EEA1: variants seen among roughly 807,000 people sequenced by gnomAD.
EEA1 encodes the protein early endosome antigen 1, 162kD.
EEA1 carries 111 observed loss-of-function variants against 209.2 expected under a neutral mutation model. The ratio of observed to expected loss-of-function variants is 0.53; its 90% CI spans 0.45 to 0.62. EEA1 has a LOEUF of 0.62. Among genes scored for constraint, EEA1 ranks in the 20% least tolerant of loss-of-function variants. EEA1 has a pLI of 0.00. For missense variants in EEA1, 1,343 were observed against 1,530.8 expected (o/e 0.88, Z 2.05); for synonymous variants, 536 against 540.6 (o/e 0.99, Z 0.12).
chr12:92,823,910 C>A (rs1392006380), intron 13 of EEA1, among the ~76,000 whole-genome samples: 1 of 152,170 alleles, frequency 6.6e-6, no homozygotes, highest in Non-Finnish European at 1.5e-5. Context: ...ATACCAAATT[C>A]TTCACACTTG....
chr12:92,841,153 A>C (rs1253431707), intron 10 of EEA1, among the ~76,000 whole-genome samples: 1 of 152,242 alleles, frequency 6.6e-6, no homozygotes, highest in African/African-American at 2.4e-5. Context: ...ATAGGAGCCC[A>C]AACAGACTAA....
rs753246884 is a variant in EEA1, at chr12:92,900,655, TG to T, written c.25-8935del. Reference sequence around the variant, plus strand: ...GAGCATTTAAATTTTTTTTTGTAGTTGTTTTTTTTTTTTGTCTTGTTTTATT... The same window carrying T: ...GAGCATTTAAATTTTTTTTTGTAGTTTTTTTTTTTTTTGTCTTGTTTTATT... On this transcript the variant is annotated intron_variant, in intron 1 of 28. Coordinates refer to ENST00000322349, the MANE Select transcript of EEA1 (RefSeq NM_003566.4). Among the ~76,000 whole-genome samples, 183 of 151,596 alleles carry T rather than the reference TG, an allele frequency of 1.2e-3. 1 individual carries two copies. In the South Asian group the frequency reaches 0.014, roughly 11 times the overall value.
intron 23 of EEA1, among the ~76,000 whole-genome samples, chr12:92,781,686 C>G (rs1341223308): frequency 6.6e-6 from 1 of 151,830 alleles, no homozygotes; most frequent in Non-Finnish European, 1.5e-5. Context: ...TCTGCAATAA[C>G]CAAGGGTCTA....
At chr12:92,841,294 T>C (rs1037166869) in intron 10 of EEA1, among the ~76,000 whole-genome samples, 9 of 152,106 alleles carry the variant, frequency 5.9e-5, no homozygotes, top group African/African-American at 2.2e-4. Flanking sequence ...CCTTACCTTA[T>C]ACTATATACA....
intron 24 of EEA1, 78 bp downstream of exon 24, chr12:92,780,202 T>A: frequency 7.2e-7 from 1 of 1,397,496 alleles, no homozygotes. Flanking sequence ...AATAAATAAA[T>A]AAATATGTAT....
At chr12:92,927,446 G>C (rs889892149) in intron 1 of EEA1, among the ~76,000 whole-genome samples, 1 of 152,260 alleles carries the variant, frequency 6.6e-6, no homozygotes, top group African/African-American at 2.4e-5. Context: ...CAGTTGATAG[G>C]TATGCACCAA....
At chr12:92,842,651 T>C in intron 9 of EEA1, 70 bp from the exon 10 acceptor site, 1 of 972,050 alleles carries the variant, frequency 1.0e-6, no homozygotes, top group African/African-American at 1.7e-5. Flanking sequence ...AATGAAAGTA[T>C]ATAAAGGTTT....
At chr12:92,891,517 T>C in intron 2 of EEA1, 112 bp downstream of exon 2, 1 of 807,694 alleles carries the variant, frequency 1.2e-6, no homozygotes, top group South Asian at 2.1e-5. Flanking sequence ...TTCCAACTTT[T>C]ACAAGAAAAA....
intron 8 of EEA1, 138 bp from the exon 9 acceptor site, chr12:92,851,404 T>TTCAAA: frequency 1.3e-6 from 1 of 794,196 alleles, no homozygotes; most frequent in Non-Finnish European, 2.0e-6. Flanking sequence ...CATTGAACAC[T>TTCAAA]GATATCTTCT....
At chr12:92,801,815 C>A in intron 19 of EEA1, 114 bp from the exon 20 acceptor site, 1 of 623,010 alleles carries the variant, frequency 1.6e-6, no homozygotes, top group East Asian at 3.3e-5. Flanking sequence ...TTATGATGAG[C>A]TAAGATGAGA....
At chr12:92,794,431 G>A (rs377347051) in intron 21 of EEA1, among the ~76,000 whole-genome samples, 1 of 152,076 alleles carries the variant, frequency 6.6e-6, no homozygotes, top group Non-Finnish European at 1.5e-5. Context: ...ACATGCACAC[G>A]TATGTTTATT....
intron 1 of EEA1, among the ~76,000 whole-genome samples, chr12:92,917,429 G>A (rs954271077): frequency 2.7e-5 from 4 of 149,078 alleles, no homozygotes; most frequent in South Asian, 2.1e-4. Context: ...AAGAGAGTGG[G>A]GGCCAATATT....
intron 1 of EEA1, among the ~76,000 whole-genome samples, chr12:92,928,259 C>T (rs1422896693): frequency 6.6e-6 from 1 of 151,900 alleles, no homozygotes; most frequent in East Asian, 1.9e-4. Flanking sequence ...TTAAATGATA[C>T]ACCTACAGTT....
intron 1 of EEA1, among the ~76,000 whole-genome samples, chr12:92,903,319 C>T (rs1453002788): frequency 6.6e-6 from 1 of 151,578 alleles, no homozygotes; most frequent in Non-Finnish European, 1.5e-5. Context: ...AGAATGCAGT[C>T]GGAAGCGGTA....
At chr12:92,864,321 C>A (rs1171648086) in intron 3 of EEA1, among the ~76,000 whole-genome samples, 1 of 151,990 alleles carries the variant, frequency 6.6e-6, no homozygotes, top group African/African-American at 2.4e-5. Context: ...AGAGTTCTCT[C>A]CAATAGCAGA....
chr12:92,817,866 T>A (rs1875867747), intron 14 of EEA1, among the ~76,000 whole-genome samples: 1 of 152,162 alleles, frequency 6.6e-6, no homozygotes, highest in Non-Finnish European at 1.5e-5. Flanking sequence ...ACTCTAGGGT[T>A]AGTTTAGCCT....
chr12:92,793,237 C>T (rs950864293), intron 21 of EEA1, among the ~76,000 whole-genome samples: 34 of 152,192 alleles, frequency 2.2e-4, no homozygotes, highest in Non-Finnish European at 4.1e-4. Context: ...AGGATGCCCT[C>T]TCTCACCACT....
At chr12:92,804,888 C>T (rs1472841666) in intron 18 of EEA1, among the ~76,000 whole-genome samples, 2 of 152,088 alleles carry the variant, frequency 1.3e-5, no homozygotes, top group Non-Finnish European at 2.9e-5. Context: ...CCCAGCCCTC[C>T]TTGCCTAGGT....
chr12:92,849,055 T>C (rs925800464), intron 9 of EEA1, among the ~76,000 whole-genome samples: 3 of 152,140 alleles, frequency 2.0e-5, no homozygotes, highest in African/African-American at 7.2e-5. Flanking sequence ...AACATGTAAA[T>C]TTATTTTCCT....
Sources: allele counts gnomAD v4.1 joint callset (sites outside exome capture counted in the v4.1 genomes callset), GRCh38; gene constraint gnomAD v4.1.1; transcripts MANE v1.5; gene names NCBI Gene and HGNC (gene_info 2026-07-23, HGNC 2026-07-21).